CD163L1: variants seen among roughly 807,000 people sequenced by gnomAD.
CD163L1 encodes the protein CD163 molecule like 1.
A neutral mutation model predicts 165.4 loss-of-function variants in CD163L1; 124 were observed. That is an observed-to-expected ratio of 0.75 (90% CI 0.65 to 0.87). The LOEUF (loss-of-function observed/expected upper bound fraction) is 0.87. Ranked by LOEUF, CD163L1 falls within the 40% of genes least tolerant of loss-of-function variation. The probability of loss-of-function intolerance (pLI) is 0.00; values close to 1 mark genes in which losing one functional copy is unlikely to be tolerated. For missense variants in CD163L1, 1,525 were observed against 1,799.9 expected, an observed-to-expected ratio of 0.85 and a Z score of 2.76; for synonymous variants, 585 against 662.2, an observed-to-expected ratio of 0.88 and a Z score of 1.79.
chr12:7,434,398 A>G (rs1467454613), intron 2 of CD163L1, among the ~76,000 whole-genome samples: 1 of 152,222 alleles, frequency 6.6e-6, no homozygotes, highest in African/African-American at 2.4e-5. Context: ...ATGGATTTTA[A>G]AAAATCCTAG....
chr12:7,337,624 C>A, the CD163L1 span, among the ~76,000 whole-genome samples: 514 of 152,306 alleles, frequency 3.4e-3, 4 homozygotes, highest in African/African-American at 0.012. Flanking sequence ...GAGATACCAT[C>A]CCACGCCAGT....
At chr12:7,323,302 C>G in the CD163L1 span, 2 of 1,610,656 alleles carry the variant, frequency 1.2e-6, no homozygotes. Context: ...GAATGCTGCC[C>G]TATGATGTCC....
intron 8 of CD163L1, among the ~76,000 whole-genome samples, chr12:7,389,482 T>C (rs932848282): frequency 6.6e-6 from 1 of 151,976 alleles, no homozygotes; most frequent in Non-Finnish European, 1.5e-5. Context: ...CTCATGGACA[T>C]AGAGAGTAGA....
intron 14 of CD163L1, among the ~76,000 whole-genome samples, chr12:7,370,433 C>T (rs1947121276): frequency 6.6e-6 from 1 of 152,124 alleles, no homozygotes. Flanking sequence ...CTCTGCCTTA[C>T]CTCTGCCCAC....
At chr12:7,376,657 C>T (rs1158657683) in intron 9 of CD163L1, among the ~76,000 whole-genome samples, 2 of 152,192 alleles carry the variant, frequency 1.3e-5, no homozygotes. Context: ...TGATGGAACT[C>T]CATCATTCCA....
At chr12:7,329,838 G>A in the CD163L1 span, among the ~76,000 whole-genome samples, 2 of 152,046 alleles carry the variant, frequency 1.3e-5, no homozygotes, top group African/African-American at 4.8e-5. Context: ...TATAACAACC[G>A]AGGCTTACCA....
At position 7,406,618 on chromosome 12, in the gene CD163L1, T is replaced by C. The variant is rs1340892030; in HGVS notation, c.1001A>G (p.Asn334Ser). The C allele has an allele frequency of 5.0e-6, 8 of 1,614,068 alleles. No homozygotes were observed. Among genetic ancestry groups the C allele is most frequent in the Non-Finnish European group, 6.8e-6 (8 of 1,179,994 alleles). ...TCTGCAGTCCCAAAGAAAAGATTCA[T>C]TACCGGAGCAGGAGACACCATCAAG... is the stretch of plus-strand genomic sequence containing the variant. The part of the protein sequence containing the change: ...VWLDGVSCSG[N>S]ESFLWDCRHS... The change falls in exon 5 of 20, where the codon AAT becomes AGT. Residue 334 changes from asparagine to serine, a missense_variant. Transcript: ENST00000313599.
chr12:7,320,952 C>T, the CD163L1 span: 28 of 729,362 alleles, frequency 3.8e-5, no homozygotes, highest in Admixed American at 6.5e-5. Context: ...CGTCGGAGGA[C>T]GGTCGTATGC....
At position 7,444,109 on chromosome 12, in the gene CD163L1, A is replaced by G; in HGVS notation, c.19T>C (p.Ser7Pro). The G allele has an allele frequency of 6.2e-7, 1 of 1,613,820 alleles. No individual in the cohort carries two copies. Among genetic ancestry groups the G allele is most frequent in the Non-Finnish European group, 8.5e-7 (1 of 1,179,790 alleles). The part of the protein sequence containing the change: MMLPQN[S>P]WHIDFGRCCC... ...AGCAAAACCTTACCAATATGCCACG[A>G]GTTTTGAGGCAGCATCATTATGGGT... Residue 7 changes from serine (S) to proline (P), a missense_variant, in exon 1 of 20, where the codon TCG (serine) becomes CCG (proline). Coordinates refer to ENST00000313599, the MANE Select transcript of CD163L1 (RefSeq NM_174941.6).
chr12:7,438,453 C>A (rs1948769005), intron 2 of CD163L1, among the ~76,000 whole-genome samples: 1 of 152,022 alleles, frequency 6.6e-6, no homozygotes, highest in African/African-American at 2.4e-5. Context: ...GGGAAATGAC[C>A]AAGCAGGATG....
chr12:7,402,661 G>T (rs2136520164), intron 6 of CD163L1, among the ~76,000 whole-genome samples: 1 of 151,044 alleles, frequency 6.6e-6, no homozygotes, highest in Non-Finnish European at 1.5e-5. Flanking sequence ...AACAAGATGA[G>T]GTCTCACTCT....
chr12:7,431,509 G>A (rs1948627472), intron 4 of CD163L1, among the ~76,000 whole-genome samples: 1 of 151,684 alleles, frequency 6.6e-6, no homozygotes, highest in Non-Finnish European at 1.5e-5. Context: ...TGAATATAGT[G>A]TGCTAACAGA....
In CD163L1 at chr12:7,406,529, T is replaced by TA; in HGVS notation, c.1087+2dup. 1 of 1,613,576 alleles carries TA rather than the reference T, an allele frequency of 6.2e-7. No individual in the cohort carries two copies. On this transcript the variant is annotated splice_region_variant and intron_variant, in intron 5 of 19. Transcript: ENST00000313599. ...GATGTAATCATGTGGATGTAAGTCT[T>TA]ACCTGAGCAGATCACAGACACATCG...
intron 2 of CD163L1, among the ~76,000 whole-genome samples, chr12:7,436,509 T>A (rs2136641497): frequency 6.6e-6 from 1 of 152,298 alleles, no homozygotes; most frequent in Middle Eastern, 3.4e-3. Context: ...CCATGGCTCA[T>A]GTCTGTAATT....
the CD163L1 span, among the ~76,000 whole-genome samples, chr12:7,333,261 G>A: frequency 6.6e-6 from 1 of 152,140 alleles, no homozygotes; most frequent in East Asian, 1.9e-4. Flanking sequence ...CTCAGCAAAT[G>A]TAAAAGAACA....
At chr12:7,328,998 G>A in the CD163L1 span, among the ~76,000 whole-genome samples, 1 of 147,160 alleles carries the variant, frequency 6.8e-6, no homozygotes, top group Non-Finnish European at 1.5e-5. Flanking sequence ...ATACACATAT[G>A]TATATATAGA....
Position 7,400,962 on chromosome 12 carries a change from A to G in CD163L1, c.1409-2378T>C, listed in dbSNP as rs148497207. ...ACATCACACAGCAGAAAAATGGCCA[A>G]AGAAGCAGAAATGCTAACACATAAA... On this transcript the variant is annotated intron_variant, in intron 6 of 19. Coordinates refer to ENST00000313599, the MANE Select transcript of CD163L1 (RefSeq NM_174941.6). This position sits in a 1 kb window ranked among gnomAD's most constrained non-coding sequence, Gnocchi z 4.1. 2.9e-4 allele frequency among the ~76,000 whole-genome samples: 44 copies of G among 152,294 alleles called. No homozygotes were observed. The highest frequency in any genetic ancestry group is 6.8e-3 in the Middle Eastern group (2 of 294).
At chr12:7,348,079 G>T (rs1946682056) in intron 4 of CD163L1, among the ~76,000 whole-genome samples, 1 of 152,130 alleles carries the variant, frequency 6.6e-6, no homozygotes, top group Non-Finnish European at 1.5e-5. Context: ...ATGACTATTA[G>T]AAATTTGTTT....
chr12:7,413,413 T>G (rs775626946), intron 4 of CD163L1, among the ~76,000 whole-genome samples: 18 of 152,046 alleles, frequency 1.2e-4, no homozygotes, highest in Admixed American at 3.9e-4. Flanking sequence ...AGAAAATGAG[T>G]GGAGGCTTAC....
Sources: gnomAD v4.1 joint callset for allele counts (sites outside exome capture counted in the v4.1 genomes callset) on GRCh38, gnomAD v4.1.1 for gene constraint, Gnocchi (gnomAD v3.1) non-coding constraint, MANE v1.5 for transcripts, NCBI Gene and HGNC (gene_info 2026-07-23, HGNC 2026-07-21) for gene names.